CRBN: variants seen among roughly 807,000 people sequenced by gnomAD.
CRBN encodes the protein protein cereblon.
In CRBN, 53 loss-of-function variants were observed where a neutral mutation model predicts 62.2. The ratio of observed to expected loss-of-function variants is 0.85; its 90% CI spans 0.68 to 1.07. The LOEUF (loss-of-function observed/expected upper bound fraction) is 1.07, where lower values mean the gene tolerates loss of function less well. Among genes scored for constraint, CRBN ranks in the 50% least tolerant of loss-of-function variants. The pLI is 0.00. For synonymous variants in CRBN, 208 were observed against 176.1 expected (o/e 1.18, Z -1.43); for missense variants, 616 against 531.1 (o/e 1.16, Z -1.57).
chr3:3,166,489 G>A (rs1707356605), intron 5 of CRBN, among the ~76,000 whole-genome samples: 1 of 152,092 alleles, frequency 6.6e-6, no homozygotes, highest in Non-Finnish European at 1.5e-5. Context: ...CACAAAAGCT[G>A]CCTGTTAACT....
chr3:3,171,865 G>A (rs1349767708), intron 4 of CRBN, among the ~76,000 whole-genome samples: 2 of 152,156 alleles, frequency 1.3e-5, no homozygotes, highest in African/African-American at 4.8e-5. Flanking sequence ...GAGGTCTGAT[G>A]AGATTTTCAA....
intron 10 of CRBN, among the ~76,000 whole-genome samples, chr3:3,151,717 C>A (rs1367289866): frequency 6.6e-6 from 1 of 152,132 alleles, no homozygotes; most frequent in African/African-American, 2.4e-5. Flanking sequence ...ATAGTCCTAA[C>A]CCCAGAGTAG....
chr3:3,174,297 C>T (rs370926929), intron 2 of CRBN, 36 bp from the exon 3 acceptor site: 29 of 1,472,160 alleles, frequency 2.0e-5, no homozygotes, highest in South Asian at 5.7e-5. Flanking sequence ...GTGTCATGAT[C>T]GATATGTAAT....
At chr3:3,169,275 C>A (rs1707499262) in intron 4 of CRBN, among the ~76,000 whole-genome samples, 1 of 152,170 alleles carries the variant, frequency 6.6e-6, no homozygotes, top group African/African-American at 2.4e-5. Context: ...GTTCTTCTCC[C>A]AGCAGCTGAG....
At chr3:3,154,586 C>G (rs910748620) in intron 7 of CRBN, 161 bp downstream of exon 7, 1 of 484,122 alleles carries the variant, frequency 2.1e-6, no homozygotes, top group Non-Finnish European at 3.6e-6. Flanking sequence ...TTTTAAAATA[C>G]TCATTTTTTT....
chr3:3,152,172 A>G (rs1706607042), intron 10 of CRBN, among the ~76,000 whole-genome samples: 1 of 138,584 alleles, frequency 7.2e-6, no homozygotes, highest in Non-Finnish European at 1.6e-5. Context: ...TTTTAAATAG[A>G]CAGATTCTCA....
intron 2 of CRBN, 50 bp from the exon 3 acceptor site, chr3:3,174,311 A>C (rs887056814): frequency 4.3e-6 from 6 of 1,405,300 alleles, no homozygotes; most frequent in Non-Finnish European, 6.0e-6. Flanking sequence ...ATGTAATAAA[A>C]ATGTAAGCTC....
chr3:3,151,221 A>C (rs956796508), intron 10 of CRBN, among the ~76,000 whole-genome samples, 176 bp from the exon 11 acceptor site: 1 of 152,200 alleles, frequency 6.6e-6, no homozygotes, highest in African/African-American at 2.4e-5. Flanking sequence ...AACATTTTCT[A>C]ATTTTGTAAT....
intron 6 of CRBN, 31 bp from the exon 7 acceptor site, chr3:3,154,862 G>T: frequency 8.2e-7 from 1 of 1,218,160 alleles, no homozygotes; most frequent in Non-Finnish European, 1.2e-6. Context: ...CCATAATCAA[G>T]TTCATGGGCT....
chr3:3,174,017 A>G (rs756876179), intron 3 of CRBN, 42 bp downstream of exon 3: 1 of 1,516,530 alleles, frequency 6.6e-7, no homozygotes. Flanking sequence ...GCAATTACCC[A>G]TGAGAGGGAA....
chr3:3,176,115 C>T (rs1440059902), intron 1 of CRBN, among the ~76,000 whole-genome samples: 2 of 152,174 alleles, frequency 1.3e-5, no homozygotes, highest in Non-Finnish European at 2.9e-5. Context: ...TTATGCTCCA[C>T]TCCCTTGAAG....
intron 1 of CRBN, among the ~76,000 whole-genome samples, chr3:3,179,078 T>C (rs1239037659): frequency 1.3e-5 from 2 of 152,224 alleles, no homozygotes; most frequent in Non-Finnish European, 2.9e-5. Flanking sequence ...GTTGGAATCC[T>C]GACTCTGCTG....
At chr3:3,153,767 T>G in intron 8 of CRBN, 193 bp downstream of exon 8, 1 of 626,480 alleles carries the variant, frequency 1.6e-6, no homozygotes, top group Non-Finnish European at 2.9e-6. Flanking sequence ...AAGTTATTTT[T>G]CACTAAGTTG....
Position 3,171,710 on chromosome 3 carries a change from C to A in CRBN, c.527+1066G>T, listed in dbSNP as rs570105196. Among the ~76,000 whole-genome samples, 7 of 152,206 alleles carry A rather than the reference C, an allele frequency of 4.6e-5. No homozygotes were observed. In the South Asian group the frequency reaches 1.4e-3, roughly 32 times the overall value. ...ATAATTCAAAAATATATAGGAACGC[C>A]CACCATGTGAACAAAACAGACAAAA... On this transcript the variant is annotated intron_variant, in intron 4 of 10. Transcript: ENST00000231948.
At chr3:3,173,611 T>C (rs1016204158) in intron 3 of CRBN, among the ~76,000 whole-genome samples, 1 of 152,146 alleles carries the variant, frequency 6.6e-6, no homozygotes, top group Admixed American at 6.5e-5. Context: ...CAGATTTCCT[T>C]TATTTGCCAT....
At chr3:3,159,115 T>C (rs1331310190) in intron 5 of CRBN, among the ~76,000 whole-genome samples, 1 of 152,224 alleles carries the variant, frequency 6.6e-6, no homozygotes, top group Non-Finnish European at 1.5e-5. Flanking sequence ...CATGCTGAAC[T>C]GTGAGTCAAA....
At position 3,152,574 on chromosome 3, in the gene CRBN, C is replaced by A; in HGVS notation, c.1030G>T (p.Gly344Trp). Residue 344 changes from glycine to tryptophan, a missense_variant, in exon 10 of 11, where the codon GGG becomes TGG. Gly to Trp is a radical substitution (Grantham distance 184, BLOSUM62 -2). Coordinates refer to ENST00000231948, the MANE Select transcript of CRBN (RefSeq NM_016302.4). ...GGATTCACATAAGCTGCCATCGGCC[C>A]ACATAAGGATAAACTAAAACAAAGA... is the stretch of plus-strand genomic sequence containing the variant. ...KNEIFSLSLCGPMAAYVNPHG... is the reference protein window; with the variant it reads ...KNEIFSLSLCWPMAAYVNPHG... The A allele has an allele frequency of 1.2e-6, 2 of 1,613,986 alleles. No individual in the cohort carries two copies. The highest frequency in any genetic ancestry group is 1.7e-6 in the Non-Finnish European group (2 of 1,179,990).
intron 1 of CRBN, among the ~76,000 whole-genome samples, chr3:3,176,890 G>A (rs1707843280): frequency 6.6e-6 from 1 of 152,148 alleles, no homozygotes; most frequent in Non-Finnish European, 1.5e-5. Context: ...ATTAGAAAAC[G>A]CTACACAATA....
rs952242224 is a variant in CRBN at position 3,178,887 on chromosome 3, A to AT, written c.67+733dup. Among the ~76,000 whole-genome samples, 466 of 150,238 alleles carry AT rather than the reference A, an allele frequency of 3.1e-3. 4 individuals carry two copies. Among genetic ancestry groups the AT allele is most frequent in the African/African-American group, 0.011 (443 of 41,012 alleles). On this transcript the variant is annotated intron_variant, in intron 1 of 10. Transcript: ENST00000231948. ...GAAAAGTTTATGCAATATTCCATGC[A>AT]TTTTTTTTTTTGTTCAGTATTTCAA... is the stretch of plus-strand genomic sequence containing the variant.
Sources: allele counts gnomAD v4.1 joint callset (sites outside exome capture counted in the v4.1 genomes callset), GRCh38; gene constraint gnomAD v4.1.1; transcripts MANE v1.5; gene names NCBI Gene and HGNC (gene_info 2026-07-23, HGNC 2026-07-21).